The following DACH2 variants were observed in gnomAD, a reference collection of about 807,000 sequenced individuals.
The protein encoded by DACH2 is dachshund homolog 2.
A neutral mutation model predicts 35.8 loss-of-function variants in DACH2; 17 were observed. The observed-to-expected ratio is 0.48, with a 90% CI of 0.33 to 0.71. DACH2 has a LOEUF of 0.71. Ranked by LOEUF, DACH2 falls within the 30% of genes least tolerant of loss-of-function variation. The pLI is 0.02. For synonymous variants in DACH2, 195 were observed against 177.3 expected, an observed-to-expected ratio of 1.10 and a Z score of -0.79; for missense variants, 469 against 472.7, an observed-to-expected ratio of 0.99 and a Z score of 0.07.
intron 3 of DACH2, among the ~76,000 whole-genome samples, chrX:86,637,241 A>AAAAAAAAAAC (rs1569457456): frequency 9.0e-5 from 7 of 77,926 alleles, no homozygotes; most frequent in Admixed American, 1.4e-4. Context: ...AAAAAAAAAA[A>AAAAAAAAAAC]AAAAACAGAT....
chrX:86,486,515 G>A (rs1463770745), intron 2 of DACH2, among the ~76,000 whole-genome samples: 1 of 110,713 alleles, frequency 9.0e-6, no homozygotes, highest in Non-Finnish European at 1.9e-5. Context: ...TGGAGATACA[G>A]GATGTTTCAA....
Position 86,718,449 on chromosome X carries a change from T to C in DACH2, c.1104+3729T>C, listed in dbSNP as rs183785285. The stretch of plus-strand genomic sequence containing the variant: ...TAGGTTGCCTGTTCAATCTTGATTA[T>C]TTCTTTTGCTGTGCAAAAGATTTTT... On this transcript the variant is annotated intron_variant, in intron 6 of 11. Transcript: ENST00000373125. Among the ~76,000 whole-genome samples, 373 of 111,986 alleles carry C rather than the reference T, an allele frequency of 3.3e-3. 1 individual carries two copies. Among genetic ancestry groups the C allele is most frequent in the Non-Finnish European group, 5.7e-3 (303 of 53,162 alleles).
chrX:86,161,297 A>C, intron 1 of DACH2: 14 of 1,183,758 alleles, frequency 1.2e-5, no homozygotes, highest in Non-Finnish European at 1.6e-5. Flanking sequence ...ATTCACCAAC[A>C]CCAGCAGCAA....
intron 5 of DACH2, among the ~76,000 whole-genome samples, chrX:86,700,458 A>G (rs1005045556): frequency 3.2e-4 from 35 of 110,754 alleles, no homozygotes; most frequent in African/African-American, 1.1e-3. Flanking sequence ...GTGCATATTT[A>G]TTTAGGATAG....
At position 86,694,823 on chromosome X, in the gene DACH2, A is replaced by T. The variant is rs889793810; in HGVS notation, c.773-198A>T. On this transcript the variant is annotated intron_variant, in intron 4 of 11. Transcript: ENST00000373125. ...AAGAGTGCCTATACTATTATTGAGA[A>T]TGATTTGGCCTTCCCAGAGGCAGCT... 3.6e-5 allele frequency among the ~76,000 whole-genome samples: 4 copies of T among 111,804 alleles called. No individual in the cohort carries two copies. In the Admixed American group the frequency reaches 3.8e-4, roughly 11 times the overall value.
At chrX:86,223,888 TCTC>T (rs941142666) in intron 1 of DACH2, among the ~76,000 whole-genome samples, 10 of 112,460 alleles carry the variant, frequency 8.9e-5, no homozygotes, top group Non-Finnish European at 1.9e-4. Context: ...CTACTGATGT[TCTC>T]CTTTTTAGGT....
chrX:86,699,577 G>A (rs1011792693), intron 5 of DACH2, among the ~76,000 whole-genome samples: 1 of 111,404 alleles, frequency 9.0e-6, no homozygotes, highest in Non-Finnish European at 1.9e-5. Flanking sequence ...ATCTCCCACT[G>A]GGTCCCTCCC....
intron 3 of DACH2, among the ~76,000 whole-genome samples, chrX:86,573,977 G>C (rs1192005413): frequency 8.9e-6 from 1 of 111,784 alleles, no homozygotes; most frequent in African/African-American, 3.2e-5. Context: ...TCTAACCCAA[G>C]TGAAAAGCAC....
intron 1 of DACH2, among the ~76,000 whole-genome samples, chrX:86,253,882 A>C (rs1029951196): frequency 8.9e-6 from 1 of 112,163 alleles, no homozygotes; most frequent in Non-Finnish European, 1.9e-5. Flanking sequence ...AAAGGAAGTG[A>C]CACAGATATT....
rs375564298 is a variant in DACH2 at position 86,171,740 on chromosome X, C to A, written c.488+22632C>A. Among the ~76,000 whole-genome samples the A allele has an allele frequency of 3.6e-5, 4 of 111,691 alleles. No homozygotes were observed. In the East Asian group the frequency reaches 1.1e-3, roughly 32 times the overall value. On this transcript the variant is annotated intron_variant, in intron 1 of 11. Coordinates refer to ENST00000373125, the MANE Select transcript of DACH2 (RefSeq NM_053281.3). ...CTGCTGGGGGATTGGGGAAGGGTAGCATTAGCAATTCAGGACTTTTTTCTA... is the reference window on the plus strand; with the variant it reads ...CTGCTGGGGGATTGGGGAAGGGTAGAATTAGCAATTCAGGACTTTTTTCTA...
chrX:86,370,625 A>T (rs918114535), intron 1 of DACH2, among the ~76,000 whole-genome samples: 5 of 111,878 alleles, frequency 4.5e-5, no homozygotes, highest in African/African-American at 1.6e-4. Flanking sequence ...AGACTGAAAG[A>T]TAAAAAATTT....
chrX:86,256,060 A>G (rs745360325), intron 1 of DACH2, among the ~76,000 whole-genome samples: 5 of 111,175 alleles, frequency 4.5e-5, no homozygotes, highest in Admixed American at 9.7e-5. Flanking sequence ...TTAGGCTCAT[A>G]AAATGTGTCA....
rs190479151 is a variant in DACH2, at chrX:86,664,156, T to A, written c.772+12989T>A. On this transcript the variant is annotated intron_variant, in intron 4 of 11. Transcript: ENST00000373125. ...GGGAGAAACATCAATGGAACATCAA[T>A]GCATTGTACTGGAGACAGTACCTGT... 3.6e-5 allele frequency among the ~76,000 whole-genome samples: 4 copies of A among 112,053 alleles called. No individual in the cohort carries two copies. The East Asian group carries it at 1.1e-3, about 31-fold the overall frequency.
chrX:86,504,092 GTT>G lies in DACH2; in HGVS notation c.528-10179_528-10178del, dbSNP rs5902910. ...GCTCAAAGATGTTCACATGTTGGTT[GTT>G]TTTTTTTCCTTTTGTACATTATTAC... is the stretch of plus-strand genomic sequence containing the variant. On this transcript the variant is annotated intron_variant, in intron 2 of 11. Coordinates refer to ENST00000373125, the MANE Select transcript of DACH2 (RefSeq NM_053281.3). Among the ~76,000 whole-genome samples, 167 of 108,582 alleles carry G rather than the reference GTT, an allele frequency of 1.5e-3. 2 individuals are homozygous for G. The highest frequency in any genetic ancestry group is 1.8e-3 in the Non-Finnish European group (96 of 52,254). 94.3% of individuals were successfully genotyped at this position (108,582 alleles called of 115,157 possible). A position where few individuals can be genotyped will look rare whatever the true frequency, so the allele number is the denominator to read the frequency against.
intron 4 of DACH2, among the ~76,000 whole-genome samples, chrX:86,667,083 T>TAAAA (rs66948603): frequency 1.8e-5 from 1 of 55,723 alleles, no homozygotes; most frequent in African/African-American, 7.8e-5. Context: ...CCATCTCTAC[T>TAAAA]AAAAAAAAAA....
intron 3 of DACH2, among the ~76,000 whole-genome samples, chrX:86,537,835 C>T (rs2038824338): frequency 9.0e-6 from 1 of 111,603 alleles, no homozygotes; most frequent in Non-Finnish European, 1.9e-5. Context: ...CCTGAAACAA[C>T]TGAAGAATCA....
intron 1 of DACH2, among the ~76,000 whole-genome samples, chrX:86,306,372 C>G (rs1007127875): frequency 8.9e-6 from 1 of 112,115 alleles, no homozygotes; most frequent in Non-Finnish European, 1.9e-5. Flanking sequence ...CATCATCTTA[C>G]TCATATGTGA....
At chrX:86,766,154 C>A (rs2064014000) in intron 7 of DACH2, among the ~76,000 whole-genome samples, 1 of 111,333 alleles carries the variant, frequency 9.0e-6, no homozygotes, top group South Asian at 3.7e-4. Flanking sequence ...TAAGTACTTT[C>A]TTTCTTGGAA....
At chrX:86,488,920 C>A (rs994460805) in intron 2 of DACH2, among the ~76,000 whole-genome samples, 1 of 111,008 alleles carries the variant, frequency 9.0e-6, no homozygotes, top group South Asian at 3.8e-4. Context: ...GACATATAAT[C>A]ATTACCTAAC....
Sources: gnomAD v4.1 joint callset for allele counts (sites outside exome capture counted in the v4.1 genomes callset) on GRCh38, gnomAD v4.1.1 for gene constraint, MANE v1.5 for transcripts, NCBI Gene and HGNC (gene_info 2026-07-23, HGNC 2026-07-21) for gene names.